TTC23L: variants seen among roughly 807,000 people sequenced by gnomAD.
TTC23L encodes the protein tetratricopeptide repeat domain 23 like.
Under a neutral mutation model 48.1 loss-of-function variants are expected in TTC23L, and 42 were observed. That is an observed-to-expected ratio of 0.87 (90% confidence interval 0.68 to 1.13). The LOEUF (loss-of-function observed/expected upper bound fraction) is 1.13. Ranked by LOEUF, TTC23L falls within the 50% of genes most tolerant of loss-of-function variation. The pLI is 0.00. For missense variants in TTC23L, 391 were observed against 421.0 expected, an observed-to-expected ratio of 0.93 and a Z score of 0.62; for synonymous variants, 159 against 157.2, an observed-to-expected ratio of 1.01 and a Z score of -0.09.
the TTC23L span, among the ~76,000 whole-genome samples, chr5:34,910,746 T>C: frequency 6.6e-6 from 1 of 152,208 alleles, no homozygotes; most frequent in Non-Finnish European, 1.5e-5. Context: ...CTGTAATTCT[T>C]CTAAAGTAGT....
At chr5:34,894,215 A>G (rs1561160271) in intron 9 of TTC23L, among the ~76,000 whole-genome samples, 1 of 152,182 alleles carries the variant, frequency 6.6e-6, no homozygotes, top group Admixed American at 6.5e-5. Flanking sequence ...ATATAAGTAT[A>G]TATACAAATA....
chr5:34,850,301 A>G lies in TTC23L; in HGVS notation c.372A>G (p.Thr124=), dbSNP rs185191041. 2.5e-4 allele frequency: 406 copies of G among 1,613,610 alleles called. 3 individuals are homozygous for G. The East Asian group carries it at 6.7e-3, about 27-fold the overall frequency. The change falls in exon 4 of 11, where the codon ACA becomes ACG. Residue 124 remains threonine (T), a synonymous_variant. Coordinates refer to ENST00000505624, the Ensembl canonical transcript of TTC23L. ...CCAACCTAGCTTATGGCTACTTGAC[A>G]CTGAGAGGTACTTGGTTTTCCCAGC...
chr5:34,898,562 G>A (rs1278781585), intron 10 of TTC23L, among the ~76,000 whole-genome samples: 2 of 152,104 alleles, frequency 1.3e-5, no homozygotes, highest in South Asian at 2.1e-4. Flanking sequence ...CTGAATTTAT[G>A]AGACCCCTGG....
chr5:34,910,548 C>T, the TTC23L span, among the ~76,000 whole-genome samples: 2 of 152,116 alleles, frequency 1.3e-5, no homozygotes, highest in Non-Finnish European at 2.9e-5. Context: ...CCACCTCAGC[C>T]TCCCAAGTAG....
the TTC23L span, among the ~76,000 whole-genome samples, chr5:34,904,548 C>T: frequency 8.6e-5 from 13 of 150,710 alleles, no homozygotes; most frequent in Non-Finnish European, 1.3e-4. Flanking sequence ...GAACTGAGAT[C>T]GCACCACTGC....
intron 9 of TTC23L, chr5:34,888,596 C>A: frequency 1.2e-6 from 1 of 864,586 alleles, no homozygotes; most frequent in Non-Finnish European, 1.4e-6. Context: ...CATGGCATGG[C>A]CTCTCCCAGT....
chr5:34,877,271 T>C (rs1246784271), intron 8 of TTC23L, among the ~76,000 whole-genome samples: 1 of 151,704 alleles, frequency 6.6e-6, no homozygotes, highest in Non-Finnish European at 1.5e-5. Flanking sequence ...TCATTTATGA[T>C]TAAAAACTCT....
intron 3 of TTC23L, among the ~76,000 whole-genome samples, chr5:34,847,899 C>A (rs772939866): frequency 6.6e-6 from 1 of 152,150 alleles, no homozygotes; most frequent in African/African-American, 2.4e-5. Flanking sequence ...TTGGAATAAC[C>A]TATGGTACTG....
At chr5:34,923,597 T>C in the TTC23L span, among the ~76,000 whole-genome samples, 2 of 151,998 alleles carry the variant, frequency 1.3e-5, no homozygotes, top group Non-Finnish European at 2.9e-5. Flanking sequence ...TTTTTAGAGA[T>C]AGAGTGTCGC....
chr5:34,843,522 T>C (rs73078693), intron 2 of TTC23L, among the ~76,000 whole-genome samples: 1 of 152,396 alleles, frequency 6.6e-6, no homozygotes, highest in African/African-American at 2.4e-5. Context: ...ACCTTAATGT[T>C]ATTCAAGGCT....
intron 9 of TTC23L, among the ~76,000 whole-genome samples, chr5:34,884,621 T>C (rs1292164905): frequency 6.6e-6 from 1 of 151,684 alleles, no homozygotes; most frequent in African/African-American, 2.4e-5. Context: ...CAAAAATCAG[T>C]TGTATTTTTA....
intron 8 of TTC23L, 138 bp from the exon 9 acceptor site, chr5:34,880,043 T>C (rs1306837190): frequency 9.8e-7 from 1 of 1,021,856 alleles, no homozygotes; most frequent in African/African-American, 1.6e-5. Context: ...CATCTTAGAC[T>C]TTTAAAGAGT....
At chr5:34,841,820 G>A (rs746891946) in intron 2 of TTC23L, among the ~76,000 whole-genome samples, 2 of 152,210 alleles carry the variant, frequency 1.3e-5, no homozygotes, top group Non-Finnish European at 2.9e-5. Flanking sequence ...CCCAGGTAGA[G>A]TCCATTCTTT....
Position 34,866,885 on chromosome 5 carries a change from C to T in TTC23L, c.663-7C>T, listed in dbSNP as rs1761085847. On this transcript the variant is annotated splice_polypyrimidine_tract_variant and splice_region_variant and intron_variant, in intron 6 of 10. Transcript: ENST00000505624. ...GTGACTTTCTATTTTCATCCCTTTT[C>T]TTGCAGAGCCTCCTTGGCCATCCAC... The T allele has an allele frequency of 1.9e-6, 3 of 1,576,084 alleles. No homozygotes were observed. The highest frequency in any genetic ancestry group is 4.6e-5 in the East Asian group (2 of 43,738).
Position 34,840,731 on chromosome 5 carries a change from CT to C in TTC23L, c.62del (p.Phe21SerfsTer40). On this transcript the variant is annotated frameshift_variant, in exon 2 of 11. Coordinates refer to ENST00000505624, the Ensembl canonical transcript of TTC23L. LOFTEE classifies it high-confidence loss of function. ...GCAATGACATCGACTGGGATTTCTG[CT>C]TCCATATGTAAGTATCACAGCATTT... 1.9e-6 allele frequency: 3 copies of C among 1,613,728 alleles called. No homozygotes were observed. Among genetic ancestry groups the C allele is most frequent in the Non-Finnish European group, 2.5e-6 (3 of 1,179,690 alleles).
chr5:34,923,580 A>AT, the TTC23L span, among the ~76,000 whole-genome samples: 67 of 147,628 alleles, frequency 4.5e-4, 1 homozygote, highest in African/African-American at 1.2e-3. Context: ...ACCCGGCCTA[A>AT]TTTTTTTTTT....
the TTC23L span, chr5:34,918,139 A>C: frequency 7.0e-6 from 2 of 286,994 alleles, no homozygotes; most frequent in Non-Finnish European, 1.2e-5. Context: ...TCCCATCTCT[A>C]CAAAAAAAAA....
chr5:34,887,483 G>A (rs1037449384), intron 9 of TTC23L, among the ~76,000 whole-genome samples: 2 of 152,148 alleles, frequency 1.3e-5, no homozygotes, highest in African/African-American at 4.8e-5. Flanking sequence ...TGATACTGGA[G>A]TATTGTTTCT....
intron 4 of TTC23L, among the ~76,000 whole-genome samples, chr5:34,859,989 G>C (rs1279707358): frequency 2.0e-5 from 3 of 151,096 alleles, no homozygotes; most frequent in Non-Finnish European, 3.0e-5. Context: ...GACTACAGGC[G>C]CCCGCCACCA....
Sources: gnomAD v4.1 joint callset for allele counts (sites outside exome capture counted in the v4.1 genomes callset) on GRCh38, gnomAD v4.1.1 for gene constraint, MANE v1.5 for transcripts, NCBI Gene and HGNC (gene_info 2026-07-23, HGNC 2026-07-21) for gene names.